ADAMTS17: variants seen among roughly 807,000 people sequenced by gnomAD.
ADAMTS17 encodes the protein ADAM metallopeptidase with thrombospondin type 1 motif 17, also known as A disintegrin and metalloproteinase with thrombospondin motifs 17.
Under a neutral mutation model 141.5 loss-of-function variants are expected in ADAMTS17, and 113 were observed. That is an observed-to-expected ratio of 0.80 (90% CI 0.69 to 0.93). The LOEUF is 0.93. Among genes scored for constraint, ADAMTS17 ranks in the 40% least tolerant of loss-of-function variants. The pLI is 0.00. For missense variants in ADAMTS17, 1,659 were observed against 1,517.9 expected (o/e 1.09, Z -1.54); for synonymous variants, 768 against 630.6 (o/e 1.22, Z -3.27).
intron 7 of ADAMTS17, among the ~76,000 whole-genome samples, chr15:100,242,385 A>C (rs549297853): frequency 6.6e-6 from 1 of 152,358 alleles, no homozygotes; most frequent in East Asian, 1.9e-4. Context: ...CTCAGTGCCC[A>C]CATGGTCCAA....
At chr15:100,232,537 G>A (rs1346357355) in intron 7 of ADAMTS17, among the ~76,000 whole-genome samples, 1 of 152,226 alleles carries the variant, frequency 6.6e-6, no homozygotes, top group Non-Finnish European at 1.5e-5. Context: ...ACACGCTGGT[G>A]GGACGTAGAT....
At chr15:100,049,710 G>T (rs146508756) in intron 17 of ADAMTS17, among the ~76,000 whole-genome samples, 1 of 152,242 alleles carries the variant, frequency 6.6e-6, no homozygotes, top group Admixed American at 6.5e-5. Context: ...GGAGTTAGGA[G>T]GGTGGCCCTT....
At chr15:100,053,736 A>G (rs2032323767) in intron 16 of ADAMTS17, among the ~76,000 whole-genome samples, 161 bp downstream of exon 16, 1 of 152,174 alleles carries the variant, frequency 6.6e-6, no homozygotes, top group Admixed American at 6.5e-5. Context: ...GAAAGGACCC[A>G]GAGAGGGGAG....
At chr15:100,033,519 C>T (rs564883930) in intron 18 of ADAMTS17, among the ~76,000 whole-genome samples, 6 of 147,460 alleles carry the variant, frequency 4.1e-5, no homozygotes, top group Admixed American at 3.9e-4. Flanking sequence ...TAGATCATGA[C>T]CTTAGCCTGT....
intron 8 of ADAMTS17, among the ~76,000 whole-genome samples, chr15:100,166,869 A>C (rs1025817659): frequency 6.6e-6 from 1 of 152,252 alleles, no homozygotes; most frequent in Non-Finnish European, 1.5e-5. Context: ...TTTGCAGAGC[A>C]CCAGGCCCAT....
rs1268211819 is a variant in ADAMTS17, at chr15:99,973,986, T to C, written c.*416A>G. 7.0e-5 allele frequency: 12 copies of C among 171,840 alleles called. No individual in the cohort carries two copies. Among genetic ancestry groups the C allele is most frequent in the Middle Eastern group, 1.7e-3 (1 of 584 alleles). The allele number at this position is 171,840 out of a possible 1,614,324, so 10.6% of individuals were successfully genotyped here. ...CCCCTCCCTCCATGGTGTCGCCGGC[T>C]TTCAGAATAAAGCCTTTTCTAGCAT... On this transcript the variant is annotated 3_prime_UTR_variant, in exon 22 of 22. Coordinates refer to ENST00000268070, the MANE Select transcript of ADAMTS17 (RefSeq NM_139057.4).
At chr15:100,291,995 T>C (rs1031888135) in intron 3 of ADAMTS17, among the ~76,000 whole-genome samples, 4 of 152,232 alleles carry the variant, frequency 2.6e-5, no homozygotes, top group Admixed American at 2.6e-4. Flanking sequence ...GTAGCTCTCG[T>C]GATAAAAATT....
At chr15:100,072,355 C>A (rs1252096384) in intron 15 of ADAMTS17, among the ~76,000 whole-genome samples, 7 of 149,130 alleles carry the variant, frequency 4.7e-5, no homozygotes, top group African/African-American at 1.7e-4. Context: ...AGATTCAATG[C>A]CATCCCCATC....
At chr15:100,176,846 T>C (rs1039359359) in intron 8 of ADAMTS17, among the ~76,000 whole-genome samples, 3 of 152,258 alleles carry the variant, frequency 2.0e-5, no homozygotes, top group African/African-American at 7.2e-5. Context: ...ACAAATGTTA[T>C]ATAAATGGAA....
intron 8 of ADAMTS17, among the ~76,000 whole-genome samples, chr15:100,165,630 A>G (rs2039919675): frequency 6.6e-6 from 1 of 152,188 alleles, no homozygotes; most frequent in Non-Finnish European, 1.5e-5. Flanking sequence ...AAAGAAACCC[A>G]TGAAGTTATG....
intron 18 of ADAMTS17, among the ~76,000 whole-genome samples, chr15:100,000,672 CCTGA>C (rs1402601214): frequency 6.6e-6 from 1 of 152,076 alleles, no homozygotes; most frequent in Non-Finnish European, 1.5e-5. Flanking sequence ...CGCCACCACG[CCTGA>C]CTAATTTTTG....
intron 4 of ADAMTS17, among the ~76,000 whole-genome samples, chr15:100,266,872 C>T (rs540981923): frequency 1.1e-3 from 166 of 152,214 alleles, no homozygotes; most frequent in Non-Finnish European, 1.9e-3. Flanking sequence ...GCATGAGCTC[C>T]GGAGGATGAG....
intron 16 of ADAMTS17, among the ~76,000 whole-genome samples, chr15:100,053,215 G>A (rs763131312): frequency 2.0e-5 from 3 of 152,160 alleles, no homozygotes; most frequent in Non-Finnish European, 4.4e-5. Flanking sequence ...TCTTGAGACG[G>A]AAGCAGGGCG....
At chr15:100,298,922 G>C (rs963421680) in intron 3 of ADAMTS17, among the ~76,000 whole-genome samples, 14 of 152,142 alleles carry the variant, frequency 9.2e-5, no homozygotes, top group African/African-American at 3.1e-4. Flanking sequence ...AGTGGGGTTG[G>C]TTTCTTCAGA....
At chr15:100,341,547 C>T (rs2046367912) in intron 1 of ADAMTS17, 138 bp from the exon 2 acceptor site, 7 of 881,442 alleles carry the variant, frequency 7.9e-6, no homozygotes, top group Non-Finnish European at 9.7e-6. Flanking sequence ...CCCGGCACCT[C>T]CACGCTGGCC....
intron 18 of ADAMTS17, among the ~76,000 whole-genome samples, chr15:100,013,433 TAGTGAG>T (rs1017062193): frequency 1.3e-5 from 2 of 152,060 alleles, no homozygotes; most frequent in Admixed American, 1.3e-4. Context: ...TGAAGAGGAG[TAGTGAG>T]AGTGGGCATC....
intron 21 of ADAMTS17, among the ~76,000 whole-genome samples, chr15:99,975,017 G>T (rs368591340): frequency 6.6e-6 from 1 of 152,200 alleles, no homozygotes; most frequent in Non-Finnish European, 1.5e-5. Context: ...CCCTGCTCAA[G>T]GGAGGTCCTG....
At chr15:99,977,386 ATATATATATATATAATTTTTTTTTTT>A (rs2060377996) in intron 20 of ADAMTS17, among the ~76,000 whole-genome samples, 1 of 11,476 alleles carries the variant, frequency 8.7e-5, no homozygotes. Context: ...ATATATATAT[ATATATATATATATAATTTTTTTTTTT>A]TTTTTTTTTT....
rs144987169 is a variant in ADAMTS17 at position 100,210,898 on chromosome 15, G to A, written c.1076-11475C>T. On this transcript the variant is annotated intron_variant, in intron 7 of 21. Transcript: ENST00000268070. ...GGGCGGATCACGAGGTCAGGAGATC[G>A]AGACCATCCTGGCTAACATGGTGAA... Among the ~76,000 whole-genome samples the A allele has an allele frequency of 2.6e-5, 4 of 152,126 alleles. No homozygotes were observed. The East Asian group carries it at 7.8e-4, about 29-fold the overall frequency.
Sources: gnomAD v4.1 joint callset for allele counts (sites outside exome capture counted in the v4.1 genomes callset) on GRCh38, gnomAD v4.1.1 for gene constraint, MANE v1.5 for transcripts, NCBI Gene and HGNC (gene_info 2026-07-23, HGNC 2026-07-21) for gene names.